DPF3: variants seen among roughly 807,000 people sequenced by gnomAD.
DPF3 encodes the protein double PHD fingers 3.
In DPF3, 18 loss-of-function variants were observed where a neutral mutation model predicts 56.8. The observed-to-expected ratio is 0.32, with a 90% confidence interval of 0.22 to 0.47. DPF3 has a LOEUF of 0.47. DPF3 is among the 20% of genes least tolerant of loss of function. The pLI, the probability that DPF3 is intolerant of heterozygous loss-of-function variation, is 1.00. For missense variants in DPF3, 403 were observed against 488.8 expected (o/e 0.82, Z 1.65); for synonymous variants, 188 against 180.2 (o/e 1.04, Z -0.35).
intron 1 of DPF3, among the ~76,000 whole-genome samples, chr14:72,813,179 G>A (rs1296185159): frequency 6.6e-6 from 1 of 152,142 alleles, no homozygotes; most frequent in Non-Finnish European, 1.5e-5. Context: ...AAACCAGAGG[G>A]TTTTGAGAGA....
At chr14:72,846,645 C>G (rs1475018310) in intron 1 of DPF3, among the ~76,000 whole-genome samples, 1 of 94,164 alleles carries the variant, frequency 1.1e-5, no homozygotes, top group Non-Finnish European at 2.5e-5. Context: ...CTAGGATAGT[C>G]TTGAACTCCT....
At chr14:72,648,007 C>T (rs1885776171) in intron 8 of DPF3, among the ~76,000 whole-genome samples, 1 of 152,118 alleles carries the variant, frequency 6.6e-6, no homozygotes, top group Non-Finnish European at 1.5e-5. Context: ...GTCTGCCTAC[C>T]CCTCTACCCC....
intron 1 of DPF3, among the ~76,000 whole-genome samples, chr14:72,837,741 A>C (rs1315673564): frequency 1.3e-5 from 2 of 152,152 alleles, no homozygotes; most frequent in African/African-American, 4.8e-5. Context: ...CCATCTCGAA[A>C]AAATAAAAAA....
At chr14:72,885,369 G>GGTTTGTTTGTTT (rs36017937) in intron 1 of DPF3, among the ~76,000 whole-genome samples, 1 of 149,106 alleles carries the variant, frequency 6.7e-6, no homozygotes, top group African/African-American at 2.5e-5. Flanking sequence ...TAATTTTTTG[G>GGTTTGTTTGTTT]GTTTGTTTGT....
At chr14:72,665,321 C>T (rs757572) in intron 8 of DPF3, among the ~76,000 whole-genome samples, 66,791 of 152,054 alleles carry the variant, frequency 0.44, 15,311 homozygotes, top group East Asian at 0.72. Flanking sequence ...AGCAGTCACA[C>T]GCATACTGTT....
intron 3 of DPF3, among the ~76,000 whole-genome samples, chr14:72,742,942 C>T (rs116830920): frequency 0.011 from 1,631 of 152,246 alleles, 29 homozygotes; most frequent in African/African-American, 0.037. Context: ...AGATACCCCT[C>T]TGCAGGTCCC....
chr14:72,660,999 C>T, intron 8 of DPF3: 1 of 949,908 alleles, frequency 1.1e-6, no homozygotes, highest in Non-Finnish European at 1.3e-6. Flanking sequence ...AGTGAACTCA[C>T]ACAGGATGAG....
chr14:72,732,546 C>T (rs912049444), intron 3 of DPF3, among the ~76,000 whole-genome samples: 16 of 152,196 alleles, frequency 1.1e-4, no homozygotes, highest in Non-Finnish European at 8.8e-5. Flanking sequence ...TCAAAAGCCA[C>T]GGGAAGAGGA....
chr14:72,877,042 A>G (rs1286558075), intron 1 of DPF3, among the ~76,000 whole-genome samples: 7 of 152,150 alleles, frequency 4.6e-5, no homozygotes, highest in South Asian at 4.1e-4. Flanking sequence ...ATCAAGGTGC[A>G]ATTCATGGAG....
chr14:72,773,911 T>C (rs956465675), intron 1 of DPF3: 3 of 455,638 alleles, frequency 6.6e-6, no homozygotes, highest in Non-Finnish European at 1.3e-5. Context: ...CATCTGTCAG[T>C]GGATATCTGG....
At chr14:72,796,974 C>T (rs747900081) in intron 1 of DPF3, among the ~76,000 whole-genome samples, 32 of 152,202 alleles carry the variant, frequency 2.1e-4, no homozygotes, top group Non-Finnish European at 3.5e-4. Flanking sequence ...GAAGACAGGA[C>T]GAAGCATCGC....
intron 7 of DPF3, among the ~76,000 whole-genome samples, chr14:72,681,412 G>A (rs1887160866): frequency 6.6e-6 from 1 of 152,128 alleles, no homozygotes; most frequent in Non-Finnish European, 1.5e-5. Flanking sequence ...CAGAATGGAA[G>A]GCATCAAGAA....
At chr14:72,811,317 AAAGGG>A (rs1883035990) in intron 1 of DPF3, among the ~76,000 whole-genome samples, 1 of 152,214 alleles carries the variant, frequency 6.6e-6, no homozygotes, top group South Asian at 2.1e-4. Flanking sequence ...TCCTTATAAA[AAAGGG>A]AAGTTTGCCC....
chr14:72,803,811 T>C (rs929201414), intron 1 of DPF3, among the ~76,000 whole-genome samples: 1 of 152,176 alleles, frequency 6.6e-6, no homozygotes. Context: ...TGTCAAGAGC[T>C]TTGTAACGCA....
chr14:72,658,574 G>A (rs1044242214), intron 8 of DPF3, among the ~76,000 whole-genome samples: 12 of 152,160 alleles, frequency 7.9e-5, no homozygotes, highest in African/African-American at 2.9e-4. Flanking sequence ...GAGTTCTAAA[G>A]AGAAGGTCTT....
chr14:72,813,946 G>A (rs187738595), intron 1 of DPF3, among the ~76,000 whole-genome samples: 5 of 152,234 alleles, frequency 3.3e-5, no homozygotes, highest in South Asian at 2.1e-4. Flanking sequence ...AGAGGTTGGC[G>A]AGGCAAAGGC....
At chr14:72,800,557 GATGCATGGATGCATGC>G (rs530109137) in intron 1 of DPF3, among the ~76,000 whole-genome samples, 142 of 152,124 alleles carry the variant, frequency 9.3e-4, no homozygotes, top group African/African-American at 3.2e-3. Flanking sequence ...TGGATGTATG[GATGCATGGATGCATGC>G]ATGCATGGAT....
chr14:72,796,236 G>A (rs113886530), intron 1 of DPF3, among the ~76,000 whole-genome samples: 124 of 151,664 alleles, frequency 8.2e-4, no homozygotes, highest in African/African-American at 2.8e-3. Context: ...GAGGCCAGGT[G>A]CAGTGGCTCA....
chr14:72,695,598 T>C (rs774912066), intron 6 of DPF3, among the ~76,000 whole-genome samples: 3 of 152,208 alleles, frequency 2.0e-5, no homozygotes, highest in African/African-American at 4.8e-5. Flanking sequence ...AGGACATGAT[T>C]TTGTTCTTTT....
Sources: allele counts gnomAD v4.1 joint callset (sites outside exome capture counted in the v4.1 genomes callset), GRCh38; gene constraint gnomAD v4.1.1; transcripts MANE v1.5; gene names NCBI Gene and HGNC (gene_info 2026-07-23, HGNC 2026-07-21).